The following NPAS3 variants were observed in gnomAD, a reference collection of about 807,000 sequenced individuals.
NPAS3 encodes neuronal PAS domain protein 3, also known as neuronal PAS domain-containing protein 3.
Under a neutral mutation model 73.1 loss-of-function variants are expected in NPAS3, and 14 were observed. That is an observed-to-expected ratio of 0.19 (90% CI 0.13 to 0.30). The LOEUF is 0.30. NPAS3 is among the 10% of genes least tolerant of loss of function. The probability of loss-of-function intolerance (pLI) is 1.00; values close to 1 mark genes in which losing one functional copy is unlikely to be tolerated. For synonymous variants in NPAS3, 620 were observed against 541.5 expected, an observed-to-expected ratio of 1.14 and a Z score of -2.01; for missense variants, 1,096 against 1,250.0, an observed-to-expected ratio of 0.88 and a Z score of 1.86.
intron 4 of NPAS3, among the ~76,000 whole-genome samples, chr14:33,451,333 A>G (rs571841724): frequency 3.3e-5 from 5 of 152,210 alleles, no homozygotes; most frequent in Non-Finnish European, 5.9e-5. Flanking sequence ...CTTTTAGTAA[A>G]GTTTAAATCT....
intron 4 of NPAS3, among the ~76,000 whole-genome samples, chr14:33,506,708 A>G (rs1469482921): frequency 6.6e-6 from 1 of 152,078 alleles, no homozygotes; most frequent in Non-Finnish European, 1.5e-5. Context: ...TATTGTGATT[A>G]TCATAAGCAT....
intron 3 of NPAS3, among the ~76,000 whole-genome samples, chr14:33,329,005 C>T (rs2043852611): frequency 6.6e-6 from 1 of 152,042 alleles, no homozygotes; most frequent in Non-Finnish European, 1.5e-5. Context: ...CATGTAAGGA[C>T]TTTTTTCTCT....
intron 4 of NPAS3, among the ~76,000 whole-genome samples, chr14:33,536,313 G>C (rs1489960783): frequency 1.3e-5 from 2 of 152,076 alleles, no homozygotes; most frequent in African/African-American, 4.8e-5. Flanking sequence ...ATTATTATTT[G>C]TTAAAAACCA....
intron 4 of NPAS3, among the ~76,000 whole-genome samples, chr14:33,416,163 C>G (rs1241051028): frequency 6.6e-6 from 1 of 152,042 alleles, no homozygotes; most frequent in Admixed American, 6.6e-5. Context: ...TGGAAAGCTA[C>G]AGAAGATGGC....
chr14:33,435,918 G>A (rs1288447383), intron 4 of NPAS3, among the ~76,000 whole-genome samples: 1 of 152,150 alleles, frequency 6.6e-6, no homozygotes, highest in African/African-American at 2.4e-5. Flanking sequence ...ACAGAGCAGT[G>A]TCCCTTGAGG....
At chr14:33,204,466 T>C (rs796415265) in intron 2 of NPAS3, among the ~76,000 whole-genome samples, 22 of 152,100 alleles carry the variant, frequency 1.4e-4, no homozygotes, top group African/African-American at 5.3e-4. Context: ...TGTGGCAGCT[T>C]CTTAACCCAG....
chr14:33,403,910 C>A (rs528687240), intron 4 of NPAS3, among the ~76,000 whole-genome samples: 3 of 152,128 alleles, frequency 2.0e-5, no homozygotes, highest in African/African-American at 7.2e-5. Context: ...AAATTAAAAT[C>A]TGACAGTCCT....
At chr14:33,400,726 C>T (rs1018188407) in intron 4 of NPAS3, among the ~76,000 whole-genome samples, 2 of 151,960 alleles carry the variant, frequency 1.3e-5, no homozygotes, top group South Asian at 4.2e-4. Flanking sequence ...CATTTGGAAA[C>T]ATTTTAAACT....
rs958877517 is a variant in NPAS3 at position 33,249,919 on chromosome 14, C to T, written c.385+34493C>T. Among the ~76,000 whole-genome samples, 27 of 151,796 alleles carry T rather than the reference C, an allele frequency of 1.8e-4. No individual in the cohort carries two copies. The East Asian group carries it at 3.3e-3, about 19-fold the overall frequency. On this transcript the variant is annotated intron_variant, in intron 3 of 11. Transcript: ENST00000356141. The stretch of plus-strand genomic sequence containing the variant: ...AGCAAATCTGTCATACACACACACA[C>T]ACACACACACACACACACCCCTACA...
chr14:33,689,432 T>C (rs2060174504), intron 6 of NPAS3, among the ~76,000 whole-genome samples: 1 of 152,174 alleles, frequency 6.6e-6, no homozygotes, highest in South Asian at 2.1e-4. Context: ...TGTTACCAAG[T>C]TTATTCCTAA....
exon 12 of NPAS3, chr14:33,799,904 G>A (rs1173649679): frequency 1.2e-6 from 2 of 1,614,176 alleles, no homozygotes; most frequent in South Asian, 1.1e-5. Context: ...CGACAGCTTC[G>A]AGCACTCGGA....
At chr14:33,731,841 A>T (rs1481396447) in intron 6 of NPAS3, among the ~76,000 whole-genome samples, 1 of 152,226 alleles carries the variant, frequency 6.6e-6, no homozygotes, top group East Asian at 1.9e-4. Flanking sequence ...CTTGAGATTG[A>T]GCCAAATAGA....
At chr14:33,466,570 C>T (rs532900092) in intron 4 of NPAS3, among the ~76,000 whole-genome samples, 2 of 152,028 alleles carry the variant, frequency 1.3e-5, no homozygotes, top group Admixed American at 6.6e-5. Context: ...TACCTGAGAC[C>T]GAGTAATTTA....
rs540369281 is a variant in NPAS3, at chr14:33,190,845, C to T, written c.141-24337C>T. ...AAGCCTTTTCTTAGTCGAAGAGGCC[C>T]GACTCTGTTGTCAAGGCCAAATTAC... is the stretch of plus-strand genomic sequence containing the variant. On this transcript the variant is annotated intron_variant, in intron 2 of 11. Transcript: ENST00000356141. Among the ~76,000 whole-genome samples the T allele has an allele frequency of 5.3e-5, 8 of 152,206 alleles. No individual in the cohort carries two copies. The East Asian group carries it at 9.7e-4, about 18-fold the overall frequency.
intron 2 of NPAS3, among the ~76,000 whole-genome samples, chr14:33,160,132 G>A (rs984838327): frequency 3.3e-5 from 5 of 151,962 alleles, no homozygotes; most frequent in Non-Finnish European, 5.9e-5. Flanking sequence ...ATCTTTGCAG[G>A]ATAAAAATGT....
intron 2 of NPAS3, among the ~76,000 whole-genome samples, chr14:33,207,892 C>T (rs2046890559): frequency 6.6e-6 from 1 of 152,240 alleles, no homozygotes; most frequent in Admixed American, 6.5e-5. Context: ...TTCTGGCGGG[C>T]TTTTCTGCCC....
At chr14:33,229,345 G>GT (rs2047755480) in intron 3 of NPAS3, among the ~76,000 whole-genome samples, 1 of 152,184 alleles carries the variant, frequency 6.6e-6, no homozygotes, top group African/African-American at 2.4e-5. Flanking sequence ...CTTAATGTAT[G>GT]TAGTTTGTAG....
intron 4 of NPAS3, among the ~76,000 whole-genome samples, chr14:33,422,113 A>G (rs1251445917): frequency 6.6e-6 from 1 of 151,938 alleles, no homozygotes; most frequent in Non-Finnish European, 1.5e-5. Flanking sequence ...TAAAGTTTGC[A>G]TTAGTGAACC....
At chr14:33,501,622 C>G (rs750092654) in intron 4 of NPAS3, among the ~76,000 whole-genome samples, 13 of 149,152 alleles carry the variant, frequency 8.7e-5, no homozygotes, top group Non-Finnish European at 1.6e-4. Flanking sequence ...CTTCTAGAAT[C>G]TGGATTTGTT....
Sources: gnomAD v4.1 joint callset for allele counts (sites outside exome capture counted in the v4.1 genomes callset) on GRCh38, gnomAD v4.1.1 for gene constraint, MANE v1.5 for transcripts, NCBI Gene and HGNC (gene_info 2026-07-23, HGNC 2026-07-21) for gene names.